Variants in UCN observed in about 807,000 individuals in gnomAD.
UCN encodes prepro-urocortin.
In UCN, 5 loss-of-function variants were observed where a neutral mutation model predicts 6.5. The observed-to-expected ratio is 0.77, with a 90% CI of 0.40 to 1.62. The LOEUF (loss-of-function observed/expected upper bound fraction) is 1.62. UCN is among the 40% of genes most tolerant of loss of function. The pLI is 0.02. For synonymous variants in UCN, 95 were observed against 96.4 expected, an observed-to-expected ratio of 0.99 and a Z score of 0.09; for missense variants, 195 against 188.8, an observed-to-expected ratio of 1.03 and a Z score of -0.19.
chr2:27,307,997 C>G lies in UCN; in HGVS notation c.-13-89G>C, dbSNP rs6709781. 5.7e-6 allele frequency: 7 copies of G among 1,228,014 alleles called. No individual in the cohort carries two copies. The African/African-American group carries it at 1.1e-4, about 20-fold the overall frequency. 76.1% of individuals were successfully genotyped at this position (1,228,014 alleles called of 1,614,324 possible). On this transcript the variant is annotated intron_variant, in intron 1 of 1. Coordinates refer to ENST00000296099, the MANE Select transcript of UCN (RefSeq NM_003353.4). The surrounding 1 kb of genome is among the most constrained non-coding windows in gnomAD (Gnocchi z 6.9). Reference sequence around the variant, plus strand: ...TCCCCGCGCTCGCCCGGCGACCCCTCCGGCCGCCGCCCAATGCCCGCAGCC... The same window carrying G: ...TCCCCGCGCTCGCCCGGCGACCCCTGCGGCCGCCGCCCAATGCCCGCAGCC...
Position 27,308,055 on chromosome 2 carries a change from G to T in UCN, c.-14+105C>A. 1 of 704,468 alleles carries T rather than the reference G, an allele frequency of 1.4e-6. No homozygotes were observed. The highest frequency in any genetic ancestry group is 2.0e-6 in the Non-Finnish European group (1 of 491,084). 43.6% of individuals were successfully genotyped at this position (704,468 alleles called of 1,614,324 possible). On this transcript the variant is annotated intron_variant, in intron 1 of 1. Transcript: ENST00000296099. The surrounding 1 kb of genome is among the most constrained non-coding windows in gnomAD (Gnocchi z 4.2). The stretch of plus-strand genomic sequence containing the variant: ...CAGCCCCAGCCACTGCGCCAGTGCT[G>T]TTCCATCCCTTCCACCCAGCCTCCC...
Position 27,308,196 on chromosome 2 carries a change from G to A in UCN, c.-50C>T, listed in dbSNP as rs1426635420. 1.3e-5 allele frequency: 4 copies of A among 297,716 alleles called. No individual in the cohort carries two copies. The highest frequency in any genetic ancestry group is 2.5e-5 in the Non-Finnish European group (4 of 163,146). 18.4% of individuals were successfully genotyped at this position (297,716 alleles called of 1,614,324 possible). On this transcript the variant is annotated 5_prime_UTR_variant, in exon 1 of 2. Coordinates refer to ENST00000296099, the MANE Select transcript of UCN (RefSeq NM_003353.4). The surrounding 1 kb of genome is among the most constrained non-coding windows in gnomAD (Gnocchi z 4.2). ...GAGCGTCTGTACGGTCCAAGATTGA[G>A]CTCCAGTCTCTGTCCCTCGGGGCAG...
At position 27,308,077 on chromosome 2, in the gene UCN, T is replaced by G; in HGVS notation, c.-14+83A>C. 1 of 580,236 alleles carries G rather than the reference T, an allele frequency of 1.7e-6. No homozygotes were observed. The highest frequency in any genetic ancestry group is 2.6e-6 in the Non-Finnish European group (1 of 382,614). The allele number at this position is 580,236 out of a possible 1,614,324, so 35.9% of individuals were successfully genotyped here. A position where few individuals can be genotyped will look rare whatever the true frequency, so the allele number is the denominator to read the frequency against. ...GCTGTTCCATCCCTTCCACCCAGCC[T>G]CCCTCCCCGGAGGAGCGTGGTGGCT... On this transcript the variant is annotated intron_variant, in intron 1 of 1. Transcript: ENST00000296099. This position sits in a 1 kb window ranked among gnomAD's most constrained non-coding sequence, Gnocchi z 4.2.
At position 27,307,887 on chromosome 2, in the gene UCN, C is replaced by T; in HGVS notation, c.9G>A (p.Gln3=). 2.0e-6 allele frequency: 3 copies of T among 1,475,566 alleles called. No individual in the cohort carries two copies. The highest frequency in any genetic ancestry group is 2.7e-6 in the Non-Finnish European group (3 of 1,121,278). 91.4% of individuals were successfully genotyped at this position (1,475,566 alleles called of 1,614,324 possible). The change falls in exon 2 of 2, where the codon CAG becomes CAA. Residue 3 remains glutamine (Q), a synonymous_variant. Coordinates refer to ENST00000296099, the MANE Select transcript of UCN (RefSeq NM_003353.4). The surrounding 1 kb of genome is among the most constrained non-coding windows in gnomAD (Gnocchi z 6.9). MR[Q]AGRAALLAAL... is the part of the protein sequence containing the mutation. Reference sequence around the variant, plus strand: ...CGGCCAGCAGCGCTGCGCGTCCCGCCTGCCTCATGGTGCCGCCGGCCCTGG... The same window carrying T: ...CGGCCAGCAGCGCTGCGCGTCCCGCTTGCCTCATGGTGCCGCCGGCCCTGG...
chr2:27,307,857 C>A lies in UCN; in HGVS notation c.39G>T (p.Leu13=). 1 of 1,491,382 alleles carries A rather than the reference C, an allele frequency of 6.7e-7. No homozygotes were observed. Among genetic ancestry groups the A allele is most frequent in the Non-Finnish European group, 8.9e-7 (1 of 1,128,588 alleles). 92.4% of individuals were successfully genotyped at this position (1,491,382 alleles called of 1,614,324 possible). ...QAGRAALLAA[L]LLLVQLCPGS... ...CAGGGCACAGCTGTACCAGGAGCAG[C>A]AGCGCGGCCAGCAGCGCTGCGCGTC... Residue 13 remains leucine, a synonymous_variant, in exon 2 of 2, where the codon CTG becomes CTT. Transcript: ENST00000296099. The surrounding 1 kb of genome is among the most constrained non-coding windows in gnomAD (Gnocchi z 6.9).
At position 27,307,515 on chromosome 2, in the gene UCN, G is replaced by A. The variant is rs746078889; in HGVS notation, c.*6C>T. Reference sequence around the variant, plus strand: ...GTCAACGTTTTCGCAGCCCCAAACCGGGCCATCACTTGCCCACCGAGTCGA... The same window carrying A: ...GTCAACGTTTTCGCAGCCCCAAACCAGGCCATCACTTGCCCACCGAGTCGA... On this transcript the variant is annotated 3_prime_UTR_variant, in exon 2 of 2. Coordinates refer to ENST00000296099, the MANE Select transcript of UCN (RefSeq NM_003353.4). This position sits in a 1 kb window ranked among gnomAD's most constrained non-coding sequence, Gnocchi z 6.9. 7.4e-6 allele frequency: 12 copies of A among 1,612,588 alleles called. No homozygotes were observed. The highest frequency in any genetic ancestry group is 1.1e-5 in the South Asian group (1 of 91,058).
At position 27,307,767 on chromosome 2, in the gene UCN, C is replaced by A; in HGVS notation, c.129G>T (p.Gly43=). 6.6e-7 allele frequency: 1 copy of A among 1,509,584 alleles called. No homozygotes were observed. The highest frequency in any genetic ancestry group is 8.8e-7 in the Non-Finnish European group (1 of 1,132,772). 93.5% of individuals were successfully genotyped at this position (1,509,584 alleles called of 1,614,324 possible). ...GGGCCCCGCCACCCTGGTTCCGTGC[C>A]CCGGGGCTCCAGCGCAGACTCGGGT... ...VQDPSLRWSP[G]ARNQGGGARA... is the part of the protein sequence containing the mutation. Residue 43 remains glycine (G), a synonymous_variant, in exon 2 of 2, where the codon GGG becomes GGT. Coordinates refer to ENST00000296099, the MANE Select transcript of UCN (RefSeq NM_003353.4). This position sits in a 1 kb window ranked among gnomAD's most constrained non-coding sequence, Gnocchi z 6.9.
Position 27,307,811 on chromosome 2 carries a change from C to A in UCN, c.85G>T (p.Glu29Ter), listed in dbSNP as rs1249699165. The change falls in exon 2 of 2, where the codon GAG (glutamate) becomes TAG (stop). Residue 29 changes from glutamate to a stop codon, truncating the protein, a stop_gained. Transcript: ENST00000296099. LOFTEE classifies it high-confidence loss of function. The surrounding 1 kb of genome is among the most constrained non-coding windows in gnomAD (Gnocchi z 6.9). ...CTCGGGTCCTGGACCCCGGCCGCCT[C>A]GGGGCTCCTCTGGCTGCTCCCAGGG... ...LCPGSSQRSP[E>*]AAGVQDPSLR... 2.0e-6 allele frequency: 3 copies of A among 1,506,530 alleles called. No homozygotes were observed. The highest frequency in any genetic ancestry group is 5.5e-5 in the East Asian group (2 of 36,390). The allele number at this position is 1,506,530 out of a possible 1,614,324, so 93.3% of individuals were successfully genotyped here. A position where few individuals can be genotyped will look rare whatever the true frequency, so the allele number is the denominator to read the frequency against.
chr2:27,307,910 T>C lies in UCN; in HGVS notation c.-13-2A>G. On this transcript the variant is annotated splice_acceptor_variant, in intron 1 of 1. Coordinates refer to ENST00000296099, the MANE Select transcript of UCN (RefSeq NM_003353.4). LOFTEE classifies it low-confidence loss of function (5UTR_SPLICE). This position sits in a 1 kb window ranked among gnomAD's most constrained non-coding sequence, Gnocchi z 6.9. ...GCCTGCCTCATGGTGCCGCCGGCCCTGGACACACAGGGGCAGCGCAGGGTG... is the reference window on the plus strand; with the variant it reads ...GCCTGCCTCATGGTGCCGCCGGCCCCGGACACACAGGGGCAGCGCAGGGTG... 1 of 1,447,726 alleles carries C rather than the reference T, an allele frequency of 6.9e-7. No individual in the cohort carries two copies. The highest frequency in any genetic ancestry group is 9.0e-7 in the Non-Finnish European group (1 of 1,107,928). The allele number at this position is 1,447,726 out of a possible 1,614,324, so 89.7% of individuals were successfully genotyped here.
chr2:27,307,446 T>C lies in UCN; in HGVS notation c.*75A>G. 4.4e-6 allele frequency: 7 copies of C among 1,598,952 alleles called. No homozygotes were observed. Among genetic ancestry groups the C allele is most frequent in the African/African-American group, 1.4e-5 (1 of 73,936 alleles). Reference sequence around the variant, plus strand: ...AAAAATAGTCACGCAGACAGTGCCCTGGTGGCTCTGCCCCGCATCCCAACT... The same window carrying C: ...AAAAATAGTCACGCAGACAGTGCCCCGGTGGCTCTGCCCCGCATCCCAACT... On this transcript the variant is annotated 3_prime_UTR_variant, in exon 2 of 2. Coordinates refer to ENST00000296099, the MANE Select transcript of UCN (RefSeq NM_003353.4). This position sits in a 1 kb window ranked among gnomAD's most constrained non-coding sequence, Gnocchi z 6.9.
In UCN at chr2:27,307,992, C is replaced by T. The variant is rs1572536966; in HGVS notation, c.-13-84G>A. ...TCCCCTCCCCGCGCTCGCCCGGCGA[C>T]CCCTCCGGCCGCCGCCCAATGCCCG... On this transcript the variant is annotated intron_variant, in intron 1 of 1. Coordinates refer to ENST00000296099, the MANE Select transcript of UCN (RefSeq NM_003353.4). This position sits in a 1 kb window ranked among gnomAD's most constrained non-coding sequence, Gnocchi z 6.9. The T allele has an allele frequency of 3.2e-6, 4 of 1,264,152 alleles. No homozygotes were observed. The highest frequency in any genetic ancestry group is 8.5e-5 in the Admixed American group (2 of 23,444). 78.3% of individuals were successfully genotyped at this position (1,264,152 alleles called of 1,614,324 possible).
chr2:27,307,917 A>G lies in UCN; in HGVS notation c.-13-9T>C. 1 of 1,430,220 alleles carries G rather than the reference A, an allele frequency of 7.0e-7. No individual in the cohort carries two copies. The highest frequency in any genetic ancestry group is 3.0e-5 in the East Asian group (1 of 33,146). 88.6% of individuals were successfully genotyped at this position (1,430,220 alleles called of 1,614,324 possible). A position where few individuals can be genotyped will look rare whatever the true frequency, so the allele number is the denominator to read the frequency against. ...TCATGGTGCCGCCGGCCCTGGACACACAGGGGCAGCGCAGGGTGAGGTGCG... is the reference window on the plus strand; with the variant it reads ...TCATGGTGCCGCCGGCCCTGGACACGCAGGGGCAGCGCAGGGTGAGGTGCG... On this transcript the variant is annotated splice_polypyrimidine_tract_variant and intron_variant, in intron 1 of 1. Transcript: ENST00000296099. This position sits in a 1 kb window ranked among gnomAD's most constrained non-coding sequence, Gnocchi z 6.9.
rs1679267461 is a variant in UCN at position 27,307,597 on chromosome 2, A to C, written c.299T>G (p.Leu100Arg). ...CTGGCTCTGCGTCCGCGCCAGCTCC[A>C]GCAGGGTCCGCAGCAGGTGAAAGGT... Reference protein sequence around the residue: ...DLTFHLLRTLLELARTQSQRE... With the variant: ...DLTFHLLRTLRELARTQSQRE... The change falls in exon 2 of 2, where the codon CTG becomes CGG. Residue 100 changes from leucine to arginine, a missense_variant. Coordinates refer to ENST00000296099, the MANE Select transcript of UCN (RefSeq NM_003353.4). This position sits in a 1 kb window ranked among gnomAD's most constrained non-coding sequence, Gnocchi z 6.9. 6.2e-7 allele frequency: 1 copy of C among 1,612,616 alleles called. No homozygotes were observed. Among genetic ancestry groups the C allele is most frequent in the African/African-American group, 1.3e-5 (1 of 74,890 alleles).
chr2:27,308,222 G>T lies in UCN; in HGVS notation c.-76C>A, dbSNP rs1572537236. On this transcript the variant is annotated 5_prime_UTR_variant, in exon 1 of 2. Coordinates refer to ENST00000296099, the MANE Select transcript of UCN (RefSeq NM_003353.4). The surrounding 1 kb of genome is among the most constrained non-coding windows in gnomAD (Gnocchi z 4.2). ...CTCCAGTCTCTGTCCCTCGGGGCAG[G>T]CTGAAGACGCCTTGGGGAACACAGG... The T allele has an allele frequency of 7.9e-6, 2 of 252,116 alleles. No individual in the cohort carries two copies. Among genetic ancestry groups the T allele is most frequent in the East Asian group, 1.6e-4 (2 of 12,550 alleles). The allele number at this position is 252,116 out of a possible 1,614,324, so 15.6% of individuals were successfully genotyped here. A position where few individuals can be genotyped will look rare whatever the true frequency, so the allele number is the denominator to read the frequency against.
Position 27,307,681 on chromosome 2 carries a change from C to G in UCN, c.215G>C (p.Gly72Ala). 3 of 1,593,946 alleles carry G rather than the reference C, an allele frequency of 1.9e-6. No individual in the cohort carries two copies. Among genetic ancestry groups the G allele is most frequent in the Non-Finnish European group, 2.6e-6 (3 of 1,171,280 alleles). Residue 72 changes from glycine to alanine, a missense_variant, in exon 2 of 2, where the codon GGA becomes GCA. By Grantham distance (60) the Gly-to-Ala change is moderately conservative (BLOSUM62 0). Transcript: ENST00000296099. The surrounding 1 kb of genome is among the most constrained non-coding windows in gnomAD (Gnocchi z 6.9). ...CGGCCGCTCGCCTGCCGTCCCGAGTCCCAATCGGCCGGGCCCCGCGCGGCG... is the reference window on the plus strand; with the variant it reads ...CGGCCGCTCGCCTGCCGTCCCGAGTGCCAATCGGCCGGGCCCCGCGCGGCG... ...FPRRAGPGRL[G>A]LGTAGERPRR...
rs1318766521 is a variant in UCN, at chr2:27,308,136, G to A, written c.-14+24C>T. 4.9e-6 allele frequency: 2 copies of A among 406,686 alleles called. No individual in the cohort carries two copies. Among genetic ancestry groups the A allele is most frequent in the Non-Finnish European group, 8.6e-6 (2 of 233,656 alleles). The allele number at this position is 406,686 out of a possible 1,614,324, so 25.2% of individuals were successfully genotyped here. On this transcript the variant is annotated intron_variant, in intron 1 of 1. Transcript: ENST00000296099. The surrounding 1 kb of genome is among the most constrained non-coding windows in gnomAD (Gnocchi z 4.2). ...CGGAGTCCTGGTGCAGGGGGAGGCTGGGCGGACGCTCTGAGCCACTCACAG... is the reference window on the plus strand; with the variant it reads ...CGGAGTCCTGGTGCAGGGGGAGGCTAGGCGGACGCTCTGAGCCACTCACAG...
At position 27,307,621 on chromosome 2, in the gene UCN, G is replaced by A; in HGVS notation, c.275C>T (p.Thr92Ile). The A allele has an allele frequency of 1.2e-6, 2 of 1,612,552 alleles. No individual in the cohort carries two copies. Among genetic ancestry groups the A allele is most frequent in the African/African-American group, 1.3e-5 (1 of 75,036 alleles). ...CAGCAGGGTCCGCAGCAGGTGAAAG[G>A]TGAGGTCAATGGACAGAGAAGGGTT... ...RDNPSLSIDL[T>I]FHLLRTLLEL... The change falls in exon 2 of 2, where the codon ACC becomes ATC. Residue 92 changes from threonine to isoleucine, a missense_variant. Coordinates refer to ENST00000296099, the MANE Select transcript of UCN (RefSeq NM_003353.4). This position sits in a 1 kb window ranked among gnomAD's most constrained non-coding sequence, Gnocchi z 6.9.
chr2:27,308,034 C>T lies in UCN; in HGVS notation c.-14+126G>A. 3 of 868,726 alleles carry T rather than the reference C, an allele frequency of 3.5e-6. No individual in the cohort carries two copies. Among genetic ancestry groups the T allele is most frequent in the Non-Finnish European group, 4.7e-6 (3 of 635,758 alleles). 53.8% of individuals were successfully genotyped at this position (868,726 alleles called of 1,614,324 possible). Reference sequence around the variant, plus strand: ...CAATGCCCGCAGCCTGCCCTCCAGCCCCAGCCACTGCGCCAGTGCTGTTCC... The same window carrying T: ...CAATGCCCGCAGCCTGCCCTCCAGCTCCAGCCACTGCGCCAGTGCTGTTCC... On this transcript the variant is annotated intron_variant, in intron 1 of 1. Coordinates refer to ENST00000296099, the MANE Select transcript of UCN (RefSeq NM_003353.4). The surrounding 1 kb of genome is among the most constrained non-coding windows in gnomAD (Gnocchi z 4.2).
In UCN at chr2:27,307,773, G is replaced by GT. The variant is rs1270595497; in HGVS notation, c.122_123insA (p.Ser41ArgfsTer50). On this transcript the variant is annotated frameshift_variant, in exon 2 of 2. Transcript: ENST00000296099. LOFTEE classifies it high-confidence loss of function. The surrounding 1 kb of genome is among the most constrained non-coding windows in gnomAD (Gnocchi z 6.9). ...CGCCACCCTGGTTCCGTGCCCCGGG[G>GT]CTCCAGCGCAGACTCGGGTCCTGGA... 2 of 1,509,306 alleles carry GT rather than the reference G, an allele frequency of 1.3e-6. No homozygotes were observed. The allele number at this position is 1,509,306 out of a possible 1,614,324, so 93.5% of individuals were successfully genotyped here.
Sources: gnomAD v4.1 joint callset for allele counts on GRCh38, gnomAD v4.1.1 for gene constraint, Gnocchi (gnomAD v3.1) non-coding constraint, MANE v1.5 for transcripts, NCBI Gene and HGNC (gene_info 2026-07-23, HGNC 2026-07-21) for gene names.